The following ENPP5 variants were observed in gnomAD, a reference collection of about 807,000 sequenced individuals.
ENPP5 encodes the protein E-NPP 5.
ENPP5 carries 27 observed loss-of-function variants against 33.7 expected under a neutral mutation model. The observed-to-expected ratio is 0.80, with a 90% CI of 0.59 to 1.11. ENPP5 has a LOEUF of 1.11. Ranked by LOEUF, ENPP5 falls within the 50% of genes least tolerant of loss-of-function variation. ENPP5 has a pLI of 0.00. For synonymous variants in ENPP5, 199 were observed against 200.5 expected, an observed-to-expected ratio of 0.99 and a Z score of 0.06; for missense variants, 552 against 579.2, an observed-to-expected ratio of 0.95 and a Z score of 0.48.
At position 46,168,131 on chromosome 6, in the gene ENPP5, A is replaced by G; in HGVS notation, c.132T>C (p.Tyr44=). The G allele has an allele frequency of 6.2e-7, 1 of 1,613,690 alleles. No individual in the cohort carries two copies. The highest frequency in any genetic ancestry group is 8.5e-7 in the Non-Finnish European group (1 of 1,179,582). The part of the protein sequence containing the change: ...SFDGFRWDYL[Y]KVPTPHFHYI... ...AATGAAAATGGGGCGTTGGAACTTTATATAAGTAATCCCAACGGAATCCAT... is the reference window on the plus strand; with the variant it reads ...AATGAAAATGGGGCGTTGGAACTTTGTATAAGTAATCCCAACGGAATCCAT... Residue 44 remains tyrosine (Y), a synonymous_variant, in exon 3 of 5, where the codon TAT becomes TAC. Coordinates refer to ENST00000371383, the MANE Select transcript of ENPP5 (RefSeq NM_001290072.2).
intron 2 of ENPP5, 77 bp from the exon 3 acceptor site, chr6:46,168,374 CT>C: frequency 3.4e-6 from 2 of 595,770 alleles, no homozygotes; most frequent in Non-Finnish European, 2.9e-6. Context: ...AGTAACAGTG[CT>C]TAGCAATCCT....
Position 46,170,895 on chromosome 6 carries a change from C to G in ENPP5, c.-185G>C, listed in dbSNP as rs1252875641. ...ACTCCCTCGGGCGCGCCGCGGGTAA[C>G]GGCGGGAGGGTGACTGGAGGAACGC... On this transcript the variant is annotated 5_prime_UTR_variant, in exon 1 of 5. Transcript: ENST00000371383. 1 of 152,348 alleles carries G rather than the reference C, an allele frequency of 6.6e-6. No homozygotes were observed. The highest frequency in any genetic ancestry group is 2.4e-5 in the African/African-American group (1 of 41,442). 9.4% of individuals were successfully genotyped at this position (152,348 alleles called of 1,614,324 possible).
Position 46,159,798 on chromosome 6 carries a change from T to G in ENPP5, c.*1528A>C, listed in dbSNP as rs974520385. ...ACAATTTTACCTACTCATTAGCCAA[T>G]TGGTACATATATATACATGAAATCA... On this transcript the variant is annotated 3_prime_UTR_variant, in exon 5 of 5. Transcript: ENST00000371383. 2.0e-5 allele frequency: 3 copies of G among 152,336 alleles called. No homozygotes were observed. Among genetic ancestry groups the G allele is most frequent in the African/African-American group, 7.2e-5 (3 of 41,584 alleles). The allele number at this position is 152,336 out of a possible 1,614,324, so 9.4% of individuals were successfully genotyped here. A position where few individuals can be genotyped will look rare whatever the true frequency, so the allele number is the denominator to read the frequency against.
intron 4 of ENPP5, among the ~76,000 whole-genome samples, chr6:46,162,384 A>T (rs1390378597): frequency 1.3e-5 from 2 of 152,168 alleles, no homozygotes; most frequent in African/African-American, 4.8e-5. Context: ...GCTACAAATA[A>T]GGTAAAAACT....
intron 4 of ENPP5, among the ~76,000 whole-genome samples, chr6:46,162,332 C>T (rs1429048100): frequency 6.6e-6 from 1 of 152,148 alleles, no homozygotes; most frequent in Non-Finnish European, 1.5e-5. Flanking sequence ...ATTTTGGTAG[C>T]TCTAATCAGG....
chr6:46,169,183 T>C (rs961659965), intron 2 of ENPP5, among the ~76,000 whole-genome samples: 21 of 152,214 alleles, frequency 1.4e-4, no homozygotes, highest in Non-Finnish European at 2.4e-4. Flanking sequence ...TGAAGAAAGC[T>C]AATAAGACGC....
At position 46,160,772 on chromosome 6, in the gene ENPP5, T is replaced by C. The variant is rs958451304; in HGVS notation, c.*554A>G. The C allele has an allele frequency of 2.0e-5, 3 of 153,656 alleles. No individual in the cohort carries two copies. Among genetic ancestry groups the C allele is most frequent in the Non-Finnish European group, 4.4e-5 (3 of 68,912 alleles). 9.5% of individuals were successfully genotyped at this position (153,656 alleles called of 1,614,324 possible). ...TCCAAAATTCAAGGTTCAAAGGTTA[T>C]CACATTTAATTTTCAACACTTATCA... On this transcript the variant is annotated 3_prime_UTR_variant, in exon 5 of 5. Coordinates refer to ENST00000371383, the MANE Select transcript of ENPP5 (RefSeq NM_001290072.2).
At chr6:46,162,037 T>TTTTG (rs772795573) in intron 4 of ENPP5, among the ~76,000 whole-genome samples, 3 of 152,134 alleles carry the variant, frequency 2.0e-5, no homozygotes, top group African/African-American at 7.2e-5. Context: ...AAATTAGAGT[T>TTTTG]TTTGTTTGTT....
intron 4 of ENPP5, 27 bp downstream of exon 4, chr6:46,165,360 T>C: frequency 6.7e-7 from 1 of 1,494,014 alleles, no homozygotes; most frequent in Non-Finnish European, 8.9e-7. Context: ...TAATGCAGAA[T>C]GGAAAGAAAT....
chr6:46,166,220 C>T (rs1402521397), intron 3 of ENPP5, among the ~76,000 whole-genome samples: 3 of 151,240 alleles, frequency 2.0e-5, no homozygotes, highest in African/African-American at 7.3e-5. Context: ...TTCCTCCTTC[C>T]CTCCCTCCTC....
chr6:46,166,870 T>C (rs1764561573), intron 3 of ENPP5, among the ~76,000 whole-genome samples: 1 of 152,222 alleles, frequency 6.6e-6, no homozygotes, highest in African/African-American at 2.4e-5. Context: ...TGTCATTTAC[T>C]TCTCTTTAAA....
In ENPP5 at chr6:46,168,326, G is replaced by C. The variant is rs1233824194; in HGVS notation, c.-35-29C>G. 9 of 1,124,314 alleles carry C rather than the reference G, an allele frequency of 8.0e-6. No individual in the cohort carries two copies. In the Admixed American group the frequency reaches 9.9e-5, roughly 12 times the overall value. 69.6% of individuals were successfully genotyped at this position (1,124,314 alleles called of 1,614,324 possible). ...TAGAATAAACATATAGAAATTAAAGGCAATAATTTTGTTTTGTATACTTTA... is the reference window on the plus strand; with the variant it reads ...TAGAATAAACATATAGAAATTAAAGCCAATAATTTTGTTTTGTATACTTTA... On this transcript the variant is annotated intron_variant, in intron 2 of 4. Transcript: ENST00000371383.
At chr6:46,161,785 C>T (rs772296967) in intron 4 of ENPP5, 32 bp from the exon 5 acceptor site, 3 of 1,514,364 alleles carry the variant, frequency 2.0e-6, no homozygotes, top group African/African-American at 1.4e-5. Context: ...AAAAGTTAGC[C>T]AACTATGCAT....
chr6:46,170,365 G>A (rs1224253718), intron 1 of ENPP5, among the ~76,000 whole-genome samples: 1 of 151,810 alleles, frequency 6.6e-6, no homozygotes, highest in Non-Finnish European at 1.5e-5. Context: ...ACAGAGGTGG[G>A]GGGTGGGGAA....
chr6:46,167,988 G>A lies in ENPP5; in HGVS notation c.275C>T (p.Ala92Val), dbSNP rs1562071800. 6.2e-7 allele frequency: 1 copy of A among 1,614,048 alleles called. No homozygotes were observed. The highest frequency in any genetic ancestry group is 1.3e-5 in the African/African-American group (1 of 74,910). Residue 92 changes from alanine to valine, a missense_variant, in exon 3 of 5, where the codon GCA becomes GTA. By Grantham distance (64) the Ala-to-Val change is moderately conservative. Coordinates refer to ENST00000371383, the MANE Select transcript of ENPP5 (RefSeq NM_001290072.2). ...CCGAATAGGATCAAACATATCATTT[G>A]CAACAATCCCATGATTCTCTGCAAA... ...GLFAENHGIV[A>V]NDMFDPIRNK...
Position 46,159,291 on chromosome 6 carries a change from A to G in ENPP5, c.*2035T>C, listed in dbSNP as rs955163180. 1 of 152,218 alleles carries G rather than the reference A, an allele frequency of 6.6e-6. No individual in the cohort carries two copies. The highest frequency in any genetic ancestry group is 2.4e-5 in the African/African-American group (1 of 41,462). 9.4% of individuals were successfully genotyped at this position (152,218 alleles called of 1,614,324 possible). A position where few individuals can be genotyped will look rare whatever the true frequency, so the allele number is the denominator to read the frequency against. ...CCATCTGATAATCAAATATTTATAT[A>G]TGAATTTACTTTCTTACTACTAATG... On this transcript the variant is annotated 3_prime_UTR_variant, in exon 5 of 5. Transcript: ENST00000371383.
At chr6:46,167,342 T>A (rs980160921) in intron 3 of ENPP5, 92 bp downstream of exon 3, 1 of 820,836 alleles carries the variant, frequency 1.2e-6, no homozygotes, top group Admixed American at 2.3e-5. Flanking sequence ...AAGTCTACTT[T>A]AAAGGCGCAG....
rs116811123 is a variant in ENPP5, at chr6:46,165,541, T to G, written c.852A>C (p.Glu284Asp). 1 of 1,575,502 alleles carries G rather than the reference T, an allele frequency of 6.3e-7. No homozygotes were observed. The change falls in exon 4 of 5, where the codon GAA becomes GAC. Residue 284 changes from glutamate to aspartate, a missense_variant. By Grantham distance (45) the Glu-to-Asp change is conservative. Transcript: ENST00000371383. ...PKEGKFDEVY[E>D]ALTHAHPNLT... Reference sequence around the variant, plus strand: ...GATTAGGATGAGCGTGAGTTAGTGCTTCATAGACTTCATCAAATTTACCTA... The same window carrying G: ...GATTAGGATGAGCGTGAGTTAGTGCGTCATAGACTTCATCAAATTTACCTA...
rs1349598064 is a variant in ENPP5, at chr6:46,161,482, G to A, written c.1278C>T (p.Asp426=). 2.2e-5 allele frequency: 36 copies of A among 1,613,918 alleles called. No individual in the cohort carries two copies. Among genetic ancestry groups the A allele is most frequent in the Non-Finnish European group, 3.1e-5 (36 of 1,179,948 alleles). Reference sequence around the variant, plus strand: ...TGAAATAAGGGTATGACCCCTCTTGGTCATATTCTGCTGGTTTAACACTAC... The same window carrying A: ...TGAAATAAGGGTATGACCCCTCTTGATCATATTCTGCTGGTTTAACACTAC... ...LPGSVKPAEY[D]QEGSYPYFIG... is the part of the protein sequence containing the mutation. The change falls in exon 5 of 5, where the codon GAC becomes GAT. Residue 426 remains aspartate, a synonymous_variant. Transcript: ENST00000371383.
Sources: gnomAD v4.1 joint callset for allele counts (sites outside exome capture counted in the v4.1 genomes callset) on GRCh38, gnomAD v4.1.1 for gene constraint, MANE v1.5 for transcripts, NCBI Gene and HGNC (gene_info 2026-07-23, HGNC 2026-07-21) for gene names.